The following RERE variants were observed in gnomAD, a reference collection of about 807,000 sequenced individuals.
RERE encodes arginine-glutamic acid dipeptide repeats, also known as arginine-glutamic acid dipeptide repeats protein.
Under a neutral mutation model 146.1 loss-of-function variants are expected in RERE, and 40 were observed. The ratio of observed to expected loss-of-function variants is 0.27; its 90% CI spans 0.21 to 0.36. The LOEUF is 0.36. RERE is among the 10% of genes least tolerant of loss of function. The pLI, the probability that RERE is intolerant of heterozygous loss-of-function variation, is 1.00. For synonymous variants in RERE, 1,003 were observed against 866.0 expected, an observed-to-expected ratio of 1.16 and a Z score of -2.78; for missense variants, 1,933 against 2,138.7, an observed-to-expected ratio of 0.90 and a Z score of 1.90.
intron 1 of RERE, among the ~76,000 whole-genome samples, chr1:8,675,625 A>C (rs1237175865): frequency 6.6e-6 from 1 of 152,002 alleles, no homozygotes; most frequent in Admixed American, 6.6e-5. Context: ...TGGGAAGCTG[A>C]GGAAGGAGAA....
At chr1:8,584,910 G>A (rs1646408535) in intron 4 of RERE, among the ~76,000 whole-genome samples, 1 of 152,254 alleles carries the variant, frequency 6.6e-6, no homozygotes, top group South Asian at 2.1e-4. Flanking sequence ...CACTTAAGGA[G>A]GCCAAGGCGG....
intron 4 of RERE, among the ~76,000 whole-genome samples, chr1:8,558,137 C>T (rs747477200): frequency 2.6e-5 from 4 of 152,090 alleles, no homozygotes; most frequent in Admixed American, 6.6e-5. Context: ...CATTTATTTC[C>T]GAATCTCCAG....
chr1:8,559,303 A>AAAAAAAAAAAAAAAAAAAAAAAAC (rs1646048532), intron 4 of RERE, among the ~76,000 whole-genome samples: 1 of 144,556 alleles, frequency 6.9e-6, no homozygotes, highest in Admixed American at 7.0e-5. Context: ...AAAAAAAAAA[A>AAAAAAAAAAAAAAAAAAAAAAAAC]ACAGAACAAA....
Position 8,604,242 on chromosome 1 carries a change from A to G in RERE, c.522+10319T>C, listed in dbSNP as rs1389522710. 2.6e-5 allele frequency among the ~76,000 whole-genome samples: 4 copies of G among 152,362 alleles called. No homozygotes were observed. In the East Asian group the frequency reaches 7.7e-4, roughly 29 times the overall value. On this transcript the variant is annotated intron_variant, in intron 4 of 22. Transcript: ENST00000400908. ...GATTCAAACCGATACTATGATTTTA[A>G]CAGTAAAAACGTGAGGTTTTTTAAC...
intron 10 of RERE, among the ~76,000 whole-genome samples, chr1:8,470,407 G>A (rs1644665668): frequency 6.6e-6 from 1 of 151,892 alleles, no homozygotes; most frequent in Admixed American, 6.6e-5. Context: ...GACTACAAGC[G>A]CCCACCACCA....
chr1:8,765,837 G>A (rs1245276174), intron 1 of RERE, among the ~76,000 whole-genome samples: 1 of 152,116 alleles, frequency 6.6e-6, no homozygotes, highest in African/African-American at 2.4e-5. Flanking sequence ...CTGCAATCCC[G>A]GCTACCCGGG....
intron 1 of RERE, among the ~76,000 whole-genome samples, chr1:8,736,871 A>AAAAAAAAAAAAC (rs1640211836): frequency 6.7e-6 from 1 of 148,826 alleles, no homozygotes; most frequent in Non-Finnish European, 1.5e-5. Context: ...AAAAAAAAAA[A>AAAAAAAAAAAAC]AAAACTAAAA....
At chr1:8,669,503 T>G (rs1638665491) in intron 1 of RERE, among the ~76,000 whole-genome samples, 1 of 152,132 alleles carries the variant, frequency 6.6e-6, no homozygotes, top group Non-Finnish European at 1.5e-5. Flanking sequence ...AATTACAAAC[T>G]AACAAGAAAA....
At chr1:8,738,268 T>G (rs1452841685) in intron 1 of RERE, among the ~76,000 whole-genome samples, 1 of 152,120 alleles carries the variant, frequency 6.6e-6, no homozygotes, top group Admixed American at 6.6e-5. Context: ...TTCGTGCCTT[T>G]CTTTTGTTGT....
intron 11 of RERE, among the ~76,000 whole-genome samples, chr1:8,462,582 C>T (rs1644541227): frequency 1.3e-5 from 2 of 152,260 alleles, no homozygotes; most frequent in South Asian, 4.1e-4. Flanking sequence ...CGCTGCACAG[C>T]AGGGAACTCA....
At chr1:8,604,622 GAGGAAGGAAGGAAGGA>G (rs1178725565) in intron 4 of RERE, among the ~76,000 whole-genome samples, 19 of 46,506 alleles carry the variant, frequency 4.1e-4, no homozygotes, top group South Asian at 1.2e-3. Context: ...GGGAGGGAGG[GAGGAAGGAAGGAAGGA>G]AGGAAGGAAG....
intron 12 of RERE, among the ~76,000 whole-genome samples, chr1:8,390,015 C>T (rs929768919): frequency 1.4e-4 from 21 of 152,062 alleles, no homozygotes; most frequent in African/African-American, 4.6e-4. Flanking sequence ...AAATACATCA[C>T]GGGTTAAGAA....
At chr1:8,549,049 T>TG (rs772553691) in intron 6 of RERE, among the ~76,000 whole-genome samples, 4 of 152,300 alleles carry the variant, frequency 2.6e-5, no homozygotes, top group Admixed American at 1.3e-4. Flanking sequence ...CTTACAAGTC[T>TG]GGAGTTAGGG....
chr1:8,809,157 A>AAT lies in RERE; in HGVS notation c.-145+8002_-145+8003insAT, dbSNP rs1553151908. ...TGTCTTAAAAAAAAAAAAAAAAAAA[A>AAT]AAAGTACTGAGGGAGAGGTTAATGG... On this transcript the variant is annotated intron_variant, in intron 1 of 22. Coordinates refer to ENST00000400908, the MANE Select transcript of RERE (RefSeq NM_001042681.2). Among the ~76,000 whole-genome samples the AAT allele has an allele frequency of 9.4e-4, 138 of 146,214 alleles. 5 individuals are homozygous for AAT. The highest frequency in any genetic ancestry group is 3.7e-3 in the African/African-American group (134 of 36,444).
chr1:8,575,581 A>T (rs1297473508), intron 4 of RERE, among the ~76,000 whole-genome samples: 2 of 140,548 alleles, frequency 1.4e-5, no homozygotes, highest in African/African-American at 5.4e-5. Context: ...TTTTTGGCAG[A>T]GACAGTGTCT....
chr1:8,411,634 G>A (rs540244738), intron 12 of RERE, among the ~76,000 whole-genome samples: 33 of 152,242 alleles, frequency 2.2e-4, no homozygotes, highest in South Asian at 1.0e-3. Flanking sequence ...TTGGATACAT[G>A]ACATGGAAAC....
rs539509536 is a variant in RERE, at chr1:8,656,393, A to G, written c.-96T>C. On this transcript the variant is annotated 5_prime_UTR_variant, in exon 2 of 23. Coordinates refer to ENST00000400908, the MANE Select transcript of RERE (RefSeq NM_001042681.2). ...TTCAGTCTTCTGAATTTCTCACTCA[A>G]TTCCAGGGAAAATCCAACCACTCCA... 1 of 1,470,072 alleles carries G rather than the reference A, an allele frequency of 6.8e-7. No individual in the cohort carries two copies. Among genetic ancestry groups the G allele is most frequent in the African/African-American group, 1.4e-5 (1 of 70,854 alleles). The allele number at this position is 1,470,072 out of a possible 1,614,324, so 91.1% of individuals were successfully genotyped here.
At chr1:8,665,522 C>CAA (rs1284614692) in intron 1 of RERE, among the ~76,000 whole-genome samples, 1 of 152,142 alleles carries the variant, frequency 6.6e-6, no homozygotes, top group Non-Finnish European at 1.5e-5. Context: ...GAATAAATAA[C>CAA]TGAAGAGGTA....
intron 1 of RERE, among the ~76,000 whole-genome samples, chr1:8,760,331 G>A (rs12562311): frequency 2.0e-5 from 3 of 152,126 alleles, no homozygotes; most frequent in Non-Finnish European, 4.4e-5. Context: ...CCAGCCCCTA[G>A]GCCTGTAATA....
Sources: allele counts gnomAD v4.1 joint callset (sites outside exome capture counted in the v4.1 genomes callset), GRCh38; gene constraint gnomAD v4.1.1; transcripts MANE v1.5; gene names NCBI Gene and HGNC (gene_info 2026-07-23, HGNC 2026-07-21).